ONECUT1: variants seen among roughly 807,000 people sequenced by gnomAD.
ONECUT1 encodes the protein one cut homeobox 1, also known as hepatocyte nuclear factor 6.
ONECUT1 carries 12 observed loss-of-function variants against 25.6 expected under a neutral mutation model. The ratio of observed to expected loss-of-function variants is 0.47; its 90% CI spans 0.30 to 0.76. The LOEUF (loss-of-function observed/expected upper bound fraction) is 0.76, where lower values mean the gene tolerates loss of function less well. Ranked by LOEUF, ONECUT1 falls within the 30% of genes least tolerant of loss-of-function variation. The pLI is 0.07. For synonymous variants in ONECUT1, 285 were observed against 270.2 expected, an observed-to-expected ratio of 1.05 and a Z score of -0.54; for missense variants, 620 against 651.2, an observed-to-expected ratio of 0.95 and a Z score of 0.52.
intron 1 of ONECUT1, among the ~76,000 whole-genome samples, chr15:52,777,737 C>CACACACAA (rs57187579): frequency 3.8e-4 from 39 of 103,458 alleles, no homozygotes; most frequent in South Asian, 2.4e-3. Context: ...CACACACACA[C>CACACACAA]AAAAAAACAT....
chr15:52,767,628 C>A (rs1206607807), intron 1 of ONECUT1, among the ~76,000 whole-genome samples: 1 of 152,174 alleles, frequency 6.6e-6, no homozygotes, highest in African/African-American at 2.4e-5. Context: ...AGAGAAGCTG[C>A]GGCCTTGCGC....
At chr15:52,785,190 G>A (rs912489014) in intron 1 of ONECUT1, among the ~76,000 whole-genome samples, 2 of 152,252 alleles carry the variant, frequency 1.3e-5, no homozygotes, top group African/African-American at 4.8e-5. Context: ...AAAGCAGGGG[G>A]ACATTTGAAA....
At chr15:52,767,629 G>A (rs1169120084) in intron 1 of ONECUT1, among the ~76,000 whole-genome samples, 4 of 152,158 alleles carry the variant, frequency 2.6e-5, no homozygotes, top group Non-Finnish European at 5.9e-5. Context: ...GAGAAGCTGC[G>A]GCCTTGCGCC....
In ONECUT1 at chr15:52,757,378, T is replaced by A. The variant is rs985493025; in HGVS notation, c.*177A>T. 1 of 693,076 alleles carries A rather than the reference T, an allele frequency of 1.4e-6. No individual in the cohort carries two copies. Among genetic ancestry groups the A allele is most frequent in the Non-Finnish European group, 2.3e-6 (1 of 433,870 alleles). The allele number at this position is 693,076 out of a possible 1,614,324, so 42.9% of individuals were successfully genotyped here. ...TCGCCGCCCTGCTGAAGTGTGTGTC[T>A]CCAAACAAAGTCAGAATGCAGGTGA... On this transcript the variant is annotated 3_prime_UTR_variant, in exon 2 of 2. Transcript: ENST00000305901.
chr15:52,772,937 C>T (rs947099914), intron 1 of ONECUT1, among the ~76,000 whole-genome samples: 3 of 152,092 alleles, frequency 2.0e-5, no homozygotes, highest in East Asian at 3.8e-4. Context: ...CATATTTTGG[C>T]GTGTGCTTAT....
intron 1 of ONECUT1, among the ~76,000 whole-genome samples, chr15:52,765,701 G>C (rs1339043294): frequency 6.6e-6 from 1 of 152,214 alleles, no homozygotes; most frequent in Non-Finnish European, 1.5e-5. Flanking sequence ...GATTGACCGA[G>C]ACCATCAGGA....
Position 52,757,455 on chromosome 15 carries a change from T to C in ONECUT1, c.*100A>G. On this transcript the variant is annotated 3_prime_UTR_variant, in exon 2 of 2. Coordinates refer to ENST00000305901, the MANE Select transcript of ONECUT1 (RefSeq NM_004498.4). ...TAAATAACGCTTTTTTTTCTTCAAATATTTCTAAGTATAAACCTGCTATCT... is the reference window on the plus strand; with the variant it reads ...TAAATAACGCTTTTTTTTCTTCAAACATTTCTAAGTATAAACCTGCTATCT... 2 of 1,293,710 alleles carry C rather than the reference T, an allele frequency of 1.5e-6. No homozygotes were observed. The highest frequency in any genetic ancestry group is 2.1e-6 in the Non-Finnish European group (2 of 938,960). 80.1% of individuals were successfully genotyped at this position (1,293,710 alleles called of 1,614,324 possible).
intron 1 of ONECUT1, among the ~76,000 whole-genome samples, chr15:52,764,954 G>C (rs2083725735): frequency 6.6e-6 from 1 of 152,206 alleles, no homozygotes; most frequent in Non-Finnish European, 1.5e-5. Flanking sequence ...GGTCAGATGG[G>C]GGTGCACTGG....
At chr15:52,787,432 G>A (rs1321284476) in intron 1 of ONECUT1, among the ~76,000 whole-genome samples, 1 of 152,092 alleles carries the variant, frequency 6.6e-6, no homozygotes, top group Non-Finnish European at 1.5e-5. Flanking sequence ...TGGAGGAGGG[G>A]GCTTTGGCCT....
At position 52,790,330 on chromosome 15, in the gene ONECUT1, T is replaced by TA. The variant is rs1418350499; in HGVS notation, c.-447dup. On this transcript the variant is annotated 5_prime_UTR_variant, in exon 1 of 2. Coordinates refer to ENST00000305901, the MANE Select transcript of ONECUT1 (RefSeq NM_004498.4). ...TGGCCAGCTTGAGCCATGGCTCTGT[T>TA]ACTGTTACAGACTCTGTGGCCGCGG... Among the ~76,000 whole-genome samples the TA allele has an allele frequency of 6.6e-6, 1 of 150,986 alleles. No individual in the cohort carries two copies. The highest frequency in any genetic ancestry group is 2.4e-5 in the African/African-American group (1 of 41,284).
Position 52,777,737 on chromosome 15 carries a change from C to CAAAAAAAAAA in ONECUT1, c.1105+11042_1105+11043insTTTTTTTTTT, listed in dbSNP as rs1555416122. On this transcript the variant is annotated intron_variant, in intron 1 of 1. Transcript: ENST00000305901. ...ACACACACACACACACACACACACA[C>CAAAAAAAAAA]AAAAAAACATGTAAAGTTATTTGTT... is the stretch of plus-strand genomic sequence containing the variant. Among the ~76,000 whole-genome samples, 50 of 103,432 alleles carry CAAAAAAAAAA rather than the reference C, an allele frequency of 4.8e-4. 1 individual carries two copies. In the East Asian group the frequency reaches 5.1e-3, roughly 11 times the overall value. The allele number at this position is 103,432 out of a possible 152,430, so 67.9% of individuals were successfully genotyped here. A position where few individuals can be genotyped will look rare whatever the true frequency, so the allele number is the denominator to read the frequency against.
intron 1 of ONECUT1, among the ~76,000 whole-genome samples, chr15:52,782,441 G>T (rs1295633462): frequency 6.6e-6 from 1 of 152,112 alleles, no homozygotes; most frequent in East Asian, 1.9e-4. Context: ...TAGAAGGTAG[G>T]AATTTATGAT....
At chr15:52,778,104 G>A (rs946728739) in intron 1 of ONECUT1, among the ~76,000 whole-genome samples, 2 of 152,016 alleles carry the variant, frequency 1.3e-5, no homozygotes, top group Admixed American at 6.6e-5. Context: ...AATAATCACT[G>A]CCTACCAAAC....
At chr15:52,759,801 G>T (rs2083695404) in intron 1 of ONECUT1, among the ~76,000 whole-genome samples, 1 of 151,698 alleles carries the variant, frequency 6.6e-6, no homozygotes, top group South Asian at 2.1e-4. Flanking sequence ...TAGAGATGGG[G>T]TCTCACCATG....
At chr15:52,765,274 G>A (rs1176672760) in intron 1 of ONECUT1, among the ~76,000 whole-genome samples, 1 of 152,204 alleles carries the variant, frequency 6.6e-6, no homozygotes, top group African/African-American at 2.4e-5. Context: ...AAAGCTCTGT[G>A]ACTAACTGGA....
At position 52,777,737 on chromosome 15, in the gene ONECUT1, C is replaced by CACAAAAAA. The variant is rs57187579; in HGVS notation, c.1105+11042_1105+11043insTTTTTTGT. On this transcript the variant is annotated intron_variant, in intron 1 of 1. Coordinates refer to ENST00000305901, the MANE Select transcript of ONECUT1 (RefSeq NM_004498.4). ...ACACACACACACACACACACACACA[C>CACAAAAAA]AAAAAAACATGTAAAGTTATTTGTT... 1.3e-3 allele frequency among the ~76,000 whole-genome samples: 138 copies of CACAAAAAA among 103,432 alleles called. 1 individual carries two copies. Among genetic ancestry groups the CACAAAAAA allele is most frequent in the East Asian group, 8.5e-3 (25 of 2,952 alleles). 67.9% of individuals were successfully genotyped at this position (103,432 alleles called of 152,430 possible). A position where few individuals can be genotyped will look rare whatever the true frequency, so the allele number is the denominator to read the frequency against.
At chr15:52,783,485 G>A (rs568459763) in intron 1 of ONECUT1, among the ~76,000 whole-genome samples, 1 of 152,206 alleles carries the variant, frequency 6.6e-6, no homozygotes, top group Non-Finnish European at 1.5e-5. Context: ...GGGACCAGGC[G>A]TCAGGGCGGT....
intron 1 of ONECUT1, among the ~76,000 whole-genome samples, chr15:52,770,571 T>A (rs1566990574): frequency 1.3e-5 from 2 of 152,046 alleles, no homozygotes; most frequent in African/African-American, 4.8e-5. Flanking sequence ...CCCAAATACA[T>A]CAACATCGCC....
chr15:52,790,043 G>A lies in ONECUT1; in HGVS notation c.-159C>T. The A allele has an allele frequency of 2.7e-6, 3 of 1,108,280 alleles. No homozygotes were observed. Among genetic ancestry groups the A allele is most frequent in the Non-Finnish European group, 3.5e-6 (3 of 854,812 alleles). 68.7% of individuals were successfully genotyped at this position (1,108,280 alleles called of 1,614,324 possible). A position where few individuals can be genotyped will look rare whatever the true frequency, so the allele number is the denominator to read the frequency against. On this transcript the variant is annotated 5_prime_UTR_variant, in exon 1 of 2. Coordinates refer to ENST00000305901, the MANE Select transcript of ONECUT1 (RefSeq NM_004498.4). ...TCTCTCTCTCTCTCTCTCTCCGTGTGTGTGTGTCCGTGTGTGCGTGTGCGT... is the reference window on the plus strand; with the variant it reads ...TCTCTCTCTCTCTCTCTCTCCGTGTATGTGTGTCCGTGTGTGCGTGTGCGT...
Sources: gnomAD v4.1 joint callset for allele counts (sites outside exome capture counted in the v4.1 genomes callset) on GRCh38, gnomAD v4.1.1 for gene constraint, MANE v1.5 for transcripts, NCBI Gene and HGNC (gene_info 2026-07-23, HGNC 2026-07-21) for gene names.